The following EPB41L4B variants were observed in gnomAD, a reference collection of about 807,000 sequenced individuals.
EPB41L4B encodes the protein erythrocyte membrane protein band 4.1 like 4B, also known as band 4.1-like protein 4B.
In EPB41L4B, 30 loss-of-function variants were observed where a neutral mutation model predicts 112.5. The observed-to-expected ratio is 0.27, with a 90% CI of 0.20 to 0.36. The LOEUF (loss-of-function observed/expected upper bound fraction) is 0.36. EPB41L4B is among the 10% of genes least tolerant of loss of function. The pLI is 1.00. For synonymous variants in EPB41L4B, 408 were observed against 439.7 expected, an observed-to-expected ratio of 0.93 and a Z score of 0.90; for missense variants, 1,024 against 1,133.3, an observed-to-expected ratio of 0.90 and a Z score of 1.38.
intron 1 of EPB41L4B, among the ~76,000 whole-genome samples, chr9:109,304,617 T>C (rs559949056): frequency 1.1e-4 from 16 of 152,312 alleles, no homozygotes; most frequent in African/African-American, 3.6e-4. Flanking sequence ...TCTCTCCTAG[T>C]TGCCTGATCT....
At chr9:109,313,301 C>A (rs1008556188) in intron 1 of EPB41L4B, among the ~76,000 whole-genome samples, 1 of 152,102 alleles carries the variant, frequency 6.6e-6, no homozygotes. Flanking sequence ...TGTGAGCAAA[C>A]AAAAACATTT....
chr9:109,278,893 A>G (rs958768976), intron 2 of EPB41L4B, among the ~76,000 whole-genome samples: 2 of 152,246 alleles, frequency 1.3e-5, no homozygotes, highest in Non-Finnish European at 2.9e-5. Flanking sequence ...GCTTTTAAAA[A>G]GAGTGGGTCT....
chr9:109,280,562 T>G (rs1835995004), intron 1 of EPB41L4B, among the ~76,000 whole-genome samples: 1 of 152,162 alleles, frequency 6.6e-6, no homozygotes, highest in Non-Finnish European at 1.5e-5. Context: ...TCACTCCTCC[T>G]AACGTTTCTA....
intron 15 of EPB41L4B, among the ~76,000 whole-genome samples, chr9:109,222,329 T>C (rs1194362442): frequency 6.6e-6 from 1 of 152,174 alleles, no homozygotes; most frequent in Non-Finnish European, 1.5e-5. Context: ...AGCAGTAGAA[T>C]GACTCGGGTG....
intron 15 of EPB41L4B, among the ~76,000 whole-genome samples, chr9:109,231,024 T>C (rs1470648384): frequency 6.6e-6 from 1 of 152,050 alleles, no homozygotes; most frequent in Non-Finnish European, 1.5e-5. Flanking sequence ...CTGGGCATAG[T>C]GGTGCACGCC....
chr9:109,194,096 G>C (rs1490177094), intron 21 of EPB41L4B, 124 bp downstream of exon 21: 1 of 1,056,106 alleles, frequency 9.5e-7, no homozygotes, highest in Non-Finnish European at 1.4e-6. Context: ...TGTTGCTGTT[G>C]TTTTATGAGT....
chr9:109,198,217 T>C (rs550802583), intron 20 of EPB41L4B, among the ~76,000 whole-genome samples: 1 of 152,276 alleles, frequency 6.6e-6, no homozygotes, highest in South Asian at 2.1e-4. Context: ...TGTTAGAGAA[T>C]TGCATCCAGA....
chr9:109,287,140 G>C (rs1054945127), intron 1 of EPB41L4B, among the ~76,000 whole-genome samples: 4 of 152,194 alleles, frequency 2.6e-5, no homozygotes, highest in Non-Finnish European at 5.9e-5. Context: ...GACTGGGGCA[G>C]GCAGGCAGCC....
At chr9:109,204,403 C>T (rs1321633006) in intron 18 of EPB41L4B, among the ~76,000 whole-genome samples, 1 of 152,152 alleles carries the variant, frequency 6.6e-6, no homozygotes, top group Non-Finnish European at 1.5e-5. Context: ...AGCCTGCTGG[C>T]TTGGAGGACA....
intron 13 of EPB41L4B, among the ~76,000 whole-genome samples, chr9:109,249,015 C>T (rs1306148331): frequency 1.3e-5 from 2 of 149,360 alleles, no homozygotes; most frequent in African/African-American, 2.5e-5. Context: ...GCCGAGACTG[C>T]GCCACTGCAC....
intron 2 of EPB41L4B, among the ~76,000 whole-genome samples, chr9:109,275,894 C>A (rs1267018393): frequency 6.6e-6 from 1 of 151,932 alleles, no homozygotes; most frequent in African/African-American, 2.4e-5. Context: ...AAAGAAAGAT[C>A]TAGAAAGATT....
intron 17 of EPB41L4B, among the ~76,000 whole-genome samples, chr9:109,209,897 T>C (rs996336747): frequency 2.6e-5 from 4 of 152,162 alleles, no homozygotes; most frequent in African/African-American, 7.2e-5. Flanking sequence ...GGAGCCAAGA[T>C]TGACAGCCAG....
chr9:109,286,825 T>G (rs1011092288), intron 1 of EPB41L4B, among the ~76,000 whole-genome samples: 1 of 152,206 alleles, frequency 6.6e-6, no homozygotes, highest in Non-Finnish European at 1.5e-5. Context: ...TTAAGCAGAA[T>G]GTACTGAATG....
At chr9:109,208,755 T>A (rs541852361) in intron 17 of EPB41L4B, among the ~76,000 whole-genome samples, 31 of 152,292 alleles carry the variant, frequency 2.0e-4, no homozygotes, top group African/African-American at 7.2e-4. Context: ...TAAATCACTA[T>A]TAAAATAAAA....
chr9:109,227,684 C>A (rs919871942), intron 15 of EPB41L4B, among the ~76,000 whole-genome samples: 2 of 151,908 alleles, frequency 1.3e-5, no homozygotes, highest in Non-Finnish European at 2.9e-5. Flanking sequence ...TGGATTCAAG[C>A]GATTCTCCTG....
At chr9:109,313,661 C>T (rs1384696496) in intron 1 of EPB41L4B, among the ~76,000 whole-genome samples, 1 of 152,158 alleles carries the variant, frequency 6.6e-6, no homozygotes, top group Non-Finnish European at 1.5e-5. Context: ...TTGCTTCCTA[C>T]CAAGGGAGGG....
chr9:109,219,763 T>G (rs941857660), intron 15 of EPB41L4B, among the ~76,000 whole-genome samples: 9 of 152,206 alleles, frequency 5.9e-5, no homozygotes, highest in Non-Finnish European at 1.3e-4. Flanking sequence ...GGAAAATCCA[T>G]TTTTTTCTTA....
intron 1 of EPB41L4B, among the ~76,000 whole-genome samples, chr9:109,317,744 A>C (rs1408000131): frequency 1.3e-5 from 2 of 152,230 alleles, no homozygotes; most frequent in Non-Finnish European, 2.9e-5. Context: ...ATCACGGTCA[A>C]AGGTAAATCC....
rs184911373 is a variant in EPB41L4B, at chr9:109,190,136, G to A, written c.2301+2142C>T. On this transcript the variant is annotated intron_variant, in intron 22 of 25. Coordinates refer to ENST00000374566, the MANE Select transcript of EPB41L4B (RefSeq NM_019114.5). ...GGTTCTGATAGTGTCTTGGTGGAAC[G>A]TTGCTGAATGAAGGCAAGATCTCCA... 2.0e-5 allele frequency among the ~76,000 whole-genome samples: 3 copies of A among 152,262 alleles called. No individual in the cohort carries two copies. The East Asian group carries it at 5.8e-4, about 29-fold the overall frequency.
Sources: gnomAD v4.1 joint callset for allele counts (sites outside exome capture counted in the v4.1 genomes callset) on GRCh38, gnomAD v4.1.1 for gene constraint, MANE v1.5 for transcripts, NCBI Gene and HGNC (gene_info 2026-07-23, HGNC 2026-07-21) for gene names.